The following MAP1LC3A variants were observed in gnomAD, a reference collection of about 807,000 sequenced individuals.
MAP1LC3A encodes the protein microtubule-associated protein 1 light chain 3 alpha.
A neutral mutation model predicts 15.2 loss-of-function variants in MAP1LC3A; 10 were observed. That is an observed-to-expected ratio of 0.66 (90% CI 0.41 to 1.12). The LOEUF (loss-of-function observed/expected upper bound fraction) is 1.12. MAP1LC3A is among the 50% of genes most tolerant of loss of function. The probability of loss-of-function intolerance (pLI) is 0.00; values close to 1 mark genes in which losing one functional copy is unlikely to be tolerated. For synonymous variants in MAP1LC3A, 63 were observed against 64.3 expected (o/e 0.98, Z 0.10); for missense variants, 138 against 167.3 (o/e 0.82, Z 0.97).
intron 2 of MAP1LC3A, among the ~76,000 whole-genome samples, chr20:34,550,532 T>C (rs1252688500): frequency 6.6e-6 from 1 of 152,108 alleles, no homozygotes; most frequent in East Asian, 1.9e-4. Context: ...GGCTTGCACT[T>C]TAGTGAGAAG....
chr20:34,549,551 TGGGG>T (rs1229417812), intron 1 of MAP1LC3A, among the ~76,000 whole-genome samples: 2 of 152,196 alleles, frequency 1.3e-5, no homozygotes, highest in Non-Finnish European at 2.9e-5. Context: ...GCTTGATTGA[TGGGG>T]TGGCACGTTA....
At chr20:34,558,674 C>T (rs1982257101), upstream of MAP1LC3A, 1 of 1,247,302 alleles carries the variant, frequency 8.0e-7, no homozygotes, top group Admixed American at 4.3e-5. This position sits in a 1 kb window ranked among gnomAD's most constrained non-coding sequence, Gnocchi z 4.3. Flanking sequence ...ATGGGAGCGG[C>T]GCACTGGCCT....
At chr20:34,548,798 C>T (rs1981837213) in intron 1 of MAP1LC3A, among the ~76,000 whole-genome samples, 1 of 151,948 alleles carries the variant, frequency 6.6e-6, no homozygotes, top group Admixed American at 6.6e-5. Flanking sequence ...CTCCGCCTCC[C>T]GGGTTCAAGC....
chr20:34,555,793 A>G (rs1366255914), upstream of MAP1LC3A, among the ~76,000 whole-genome samples: 1 of 151,498 alleles, frequency 6.6e-6, no homozygotes, highest in Non-Finnish European at 1.5e-5. Context: ...CTGGGATTAC[A>G]GGTATGAACC....
upstream of MAP1LC3A, among the ~76,000 whole-genome samples, chr20:34,554,383 T>G (rs933927700): frequency 7.7e-4 from 29 of 37,868 alleles, 2 homozygotes; most frequent in African/African-American, 2.9e-3. Flanking sequence ...TTTTTTTTTT[T>G]TTTTTTTTTT....
In MAP1LC3A at chr20:34,559,750, T is replaced by G; in HGVS notation, c.218T>G (p.Leu73Arg). Residue 73 changes from leucine to arginine, a missense_variant, in exon 4 of 4, where the codon CTG becomes CGG. Coordinates refer to ENST00000360668, the MANE Select transcript of MAP1LC3A (RefSeq NM_032514.4). The part of the protein sequence containing the change: ...LVKIIRRRLQ[L>R]NPTQAFFLLV... The stretch of plus-strand genomic sequence containing the variant: ...GCCGGCTGCAGGCGCCGCCTGCAGC[T>G]GAACCCCACGCAGGCCTTCTTCCTG... 1 of 1,605,092 alleles carries G rather than the reference T, an allele frequency of 6.2e-7. No individual in the cohort carries two copies. Among genetic ancestry groups the G allele is most frequent in the Non-Finnish European group, 8.5e-7 (1 of 1,176,786 alleles).
chr20:34,551,267 A>G (rs527916000), intron 2 of MAP1LC3A, among the ~76,000 whole-genome samples: 69 of 151,822 alleles, frequency 4.5e-4, no homozygotes, highest in Middle Eastern at 6.8e-3. Context: ...AAGCCTACTG[A>G]TACCTGCAAC....
rs776643657 is a variant in MAP1LC3A, at chr20:34,559,940, G to C, written c.*42G>C. On this transcript the variant is annotated 3_prime_UTR_variant, in exon 4 of 4. Coordinates refer to ENST00000360668, the MANE Select transcript of MAP1LC3A (RefSeq NM_032514.4). ...CTCGGCCTGGGAGTCGGGCGGCCCC[G>C]GTCAGGCCCTGCCCAGAGAGCTCCT... The C allele has an allele frequency of 6.3e-7, 1 of 1,579,270 alleles. No individual in the cohort carries two copies. The highest frequency in any genetic ancestry group is 8.6e-7 in the Non-Finnish European group (1 of 1,164,230).
chr20:34,552,094 T>G (rs561469487), intron 2 of MAP1LC3A, among the ~76,000 whole-genome samples: 18 of 152,078 alleles, frequency 1.2e-4, no homozygotes, highest in African/African-American at 4.3e-4. Flanking sequence ...ACCTTCCAGG[T>G]TGAAGCGATT....
At chr20:34,548,391 C>T (rs1388118557) in intron 1 of MAP1LC3A, among the ~76,000 whole-genome samples, 1 of 152,222 alleles carries the variant, frequency 6.6e-6, no homozygotes, top group Non-Finnish European at 1.5e-5. Flanking sequence ...CAGACCGCTC[C>T]AAGGGCTTGA....
intron 2 of MAP1LC3A, among the ~76,000 whole-genome samples, chr20:34,551,754 G>A (rs898063750): frequency 2.0e-5 from 3 of 151,556 alleles, no homozygotes; most frequent in Non-Finnish European, 2.9e-5. Context: ...GTGAGCCACC[G>A]CGCCTGGCCA....
intron 2 of MAP1LC3A, among the ~76,000 whole-genome samples, chr20:34,553,111 G>A (rs1299399835): frequency 6.6e-6 from 1 of 152,132 alleles, no homozygotes; most frequent in Non-Finnish European, 1.5e-5. Flanking sequence ...ATCGCTTGAA[G>A]GTGGGTGGCG....
chr20:34,550,170 C>T (rs1484022182), intron 2 of MAP1LC3A: 4 of 743,496 alleles, frequency 5.4e-6, no homozygotes, highest in Non-Finnish European at 9.0e-6. Context: ...CACTTTTTCT[C>T]AGGCCCATGG....
chr20:34,555,955 G>A (rs1233296877), upstream of MAP1LC3A, among the ~76,000 whole-genome samples: 2 of 151,264 alleles, frequency 1.3e-5, no homozygotes, highest in Non-Finnish European at 2.9e-5. Context: ...CCATTCTCCT[G>A]CCTCAGCCTC....
chr20:34,552,344 A>G (rs1600566855), intron 2 of MAP1LC3A, among the ~76,000 whole-genome samples: 1 of 152,246 alleles, frequency 6.6e-6, no homozygotes, highest in East Asian at 1.9e-4. Context: ...AAGAGGGACC[A>G]CTACCATTAT....
intron 2 of MAP1LC3A, among the ~76,000 whole-genome samples, chr20:34,552,857 G>A (rs1981998547): frequency 6.6e-6 from 1 of 152,206 alleles, no homozygotes; most frequent in Non-Finnish European, 1.5e-5. Flanking sequence ...AGCAGGAGTG[G>A]TGGAAGGGGG....
At chr20:34,550,558 A>G (rs1197131289) in intron 2 of MAP1LC3A, among the ~76,000 whole-genome samples, 3 of 152,210 alleles carry the variant, frequency 2.0e-5, no homozygotes, top group African/African-American at 7.2e-5. Flanking sequence ...AAAATTTTAT[A>G]ATATTAAATG....
chr20:34,557,942 C>CA (rs915113814), upstream of MAP1LC3A, among the ~76,000 whole-genome samples: 22 of 149,020 alleles, frequency 1.5e-4, no homozygotes, highest in African/African-American at 5.2e-4. Context: ...CCCCCTCCCC[C>CA]AAAAAAATGT....
At chr20:34,550,019 T>C in exon 2 of MAP1LC3A, 2 of 1,614,206 alleles carry the variant, frequency 1.2e-6, no homozygotes, top group Non-Finnish European at 1.7e-6. Context: ...GAAAAGCAGC[T>C]GTGGACCCAG....
Sources: gnomAD v4.1 joint callset for allele counts (sites outside exome capture counted in the v4.1 genomes callset) on GRCh38, gnomAD v4.1.1 for gene constraint, Gnocchi (gnomAD v3.1) non-coding constraint, MANE v1.5 for transcripts, NCBI Gene and HGNC (gene_info 2026-07-23, HGNC 2026-07-21) for gene names.